GTF2IRD2B: variants seen among roughly 807,000 people sequenced by gnomAD.
GTF2IRD2B encodes general transcription factor II-I repeat domain-containing protein 2B.
A neutral mutation model predicts 55.6 loss-of-function variants in GTF2IRD2B; 10 were observed. The observed-to-expected ratio is 0.18, with a 90% CI of 0.11 to 0.31. The LOEUF (loss-of-function observed/expected upper bound fraction) is 0.31, where lower values mean the gene tolerates loss of function less well. Among genes scored for constraint, GTF2IRD2B ranks in the 10% least tolerant of loss-of-function variants. The probability of loss-of-function intolerance (pLI) is 1.00; values close to 1 mark genes in which losing one functional copy is unlikely to be tolerated. For synonymous variants in GTF2IRD2B, 107 were observed against 320.5 expected (o/e 0.33, Z 7.12); for missense variants, 206 against 802.7 (o/e 0.26, Z 8.98).
chr7:75,101,830 G>A (rs1450466866), intron 1 of GTF2IRD2B, among the ~76,000 whole-genome samples: 26 of 128,252 alleles, frequency 2.0e-4, no homozygotes, highest in Non-Finnish European at 3.8e-4. Flanking sequence ...GAAGGCAGAG[G>A]TTGCAGTGAA....
intron 1 of GTF2IRD2B, among the ~76,000 whole-genome samples, chr7:75,103,163 C>T (rs1472392755): frequency 3.9e-5 from 6 of 151,984 alleles, no homozygotes; most frequent in African/African-American, 7.2e-5. Flanking sequence ...CCTATAATCC[C>T]GGCTACTCGG....
intron 3 of GTF2IRD2B, among the ~76,000 whole-genome samples, chr7:75,115,463 G>T (rs1554537407): frequency 1.4e-5 from 2 of 143,024 alleles, no homozygotes; most frequent in South Asian, 2.2e-4. Context: ...TCGCTCTATC[G>T]CCCAGGCTGG....
At chr7:75,119,900 A>G (rs372341277) in intron 3 of GTF2IRD2B, among the ~76,000 whole-genome samples, 104,334 of 112,998 alleles carry the variant, frequency 0.92, 49,190 homozygotes, top group East Asian at 0.97. Context: ...AGGCCGAGGC[A>G]GGCGGATCAC....
chr7:75,115,382 T>C (rs1240809716), intron 3 of GTF2IRD2B, among the ~76,000 whole-genome samples: 65 of 144,540 alleles, frequency 4.5e-4, no homozygotes, highest in African/African-American at 9.9e-4. Flanking sequence ...TTCAAGATTA[T>C]TTCTGTTATT....
chr7:75,099,736 C>CT (rs1807473644), intron 1 of GTF2IRD2B, among the ~76,000 whole-genome samples: 1 of 73,142 alleles, frequency 1.4e-5, no homozygotes, highest in East Asian at 4.7e-4. Context: ...GACTCCGTCT[C>CT]AAAATAAATA....
intron 10 of GTF2IRD2B, among the ~76,000 whole-genome samples, chr7:75,136,176 A>C (rs1808829604): frequency 8.0e-6 from 1 of 125,666 alleles, no homozygotes; most frequent in East Asian, 2.1e-4. Flanking sequence ...AATAATAAAG[A>C]TTTCCTTTCC....
chr7:75,105,332 C>G (rs1316257056), intron 1 of GTF2IRD2B, among the ~76,000 whole-genome samples: 1 of 152,216 alleles, frequency 6.6e-6, no homozygotes. Context: ...GGTGTAACCC[C>G]GTCTCCACCA....
At chr7:75,117,536 C>A (rs1172563678) in intron 3 of GTF2IRD2B, among the ~76,000 whole-genome samples, 2 of 152,296 alleles carry the variant, frequency 1.3e-5, no homozygotes, top group African/African-American at 4.8e-5. Flanking sequence ...CACACAGCTT[C>A]CCAGTCACTT....
At position 75,118,881 on chromosome 7, in the gene GTF2IRD2B, G is replaced by T. The variant is rs587645581; in HGVS notation, c.239-2010G>T. Reference sequence around the variant, plus strand: ...AAGAAAATGTGGTACGTACACTATGGGATACTATTCAGCCATAAAAAAGAA... The same window carrying T: ...AAGAAAATGTGGTACGTACACTATGTGATACTATTCAGCCATAAAAAAGAA... On this transcript the variant is annotated intron_variant, in intron 3 of 15. Coordinates refer to ENST00000472837, the MANE Select transcript of GTF2IRD2B (RefSeq NM_001003795.3). Among the ~76,000 whole-genome samples, 206 of 145,762 alleles carry T rather than the reference G, an allele frequency of 1.4e-3. 5 individuals are homozygous for T. The highest frequency in any genetic ancestry group is 4.9e-3 in the African/African-American group (191 of 38,632).
intron 8 of GTF2IRD2B, among the ~76,000 whole-genome samples, chr7:75,127,013 A>G (rs1554535762): frequency 3.4e-5 from 3 of 87,334 alleles, no homozygotes; most frequent in African/African-American, 8.6e-5. Context: ...AAACAAAAAC[A>G]AAAACAAAAA....
In GTF2IRD2B at chr7:75,123,527, G is replaced by A. The variant is rs1808452526; in HGVS notation, c.571+11G>A. 1.5e-6 allele frequency: 1 copy of A among 671,782 alleles called. No individual in the cohort carries two copies. The highest frequency in any genetic ancestry group is 2.0e-5 in the African/African-American group (1 of 49,082). The allele number at this position is 671,782 out of a possible 1,614,324, so 41.6% of individuals were successfully genotyped here. On this transcript the variant is annotated intron_variant, in intron 6 of 15. Coordinates refer to ENST00000472837, the MANE Select transcript of GTF2IRD2B (RefSeq NM_001003795.3). ...CAGAGAGTCAGCTGGGTAAGTGACA[G>A]CTTCTCAGGTTTGGTGGCTCTTCTG...
intron 3 of GTF2IRD2B, among the ~76,000 whole-genome samples, chr7:75,113,781 G>GGGGTGTGTGTGTGT (rs1554537652): frequency 1.2e-5 from 1 of 80,022 alleles, no homozygotes; most frequent in Non-Finnish European, 2.5e-5. Flanking sequence ...AGGGTATAAG[G>GGGGTGTGTGTGTGT]GTGTGTGTGT....
In GTF2IRD2B at chr7:75,114,202, A is replaced by T. The variant is rs142553584; in HGVS notation, c.238+1667A>T. Among the ~76,000 whole-genome samples the T allele has an allele frequency of 9.7e-3, 1,470 of 151,400 alleles. 58 individuals are homozygous for T. The highest frequency in any genetic ancestry group is 0.087 in the East Asian group (449 of 5,160). Reference sequence around the variant, plus strand: ...AAGGTCTCCACTATCAAGAAGACAGATTAAAAAATGAAGCCATCTTTAAAT... The same window carrying T: ...AAGGTCTCCACTATCAAGAAGACAGTTTAAAAAATGAAGCCATCTTTAAAT... On this transcript the variant is annotated intron_variant, in intron 3 of 15. Transcript: ENST00000472837.
At chr7:75,136,204 A>G (rs1584546546) in intron 10 of GTF2IRD2B, among the ~76,000 whole-genome samples, 1 of 134,138 alleles carries the variant, frequency 7.5e-6, no homozygotes, top group South Asian at 2.3e-4. Context: ...GAGGCGTGGG[A>G]CATCTTTGCC....
chr7:75,113,901 G>C (rs1554451012), intron 3 of GTF2IRD2B, among the ~76,000 whole-genome samples: 1 of 148,672 alleles, frequency 6.7e-6, no homozygotes, highest in African/African-American at 2.5e-5. Flanking sequence ...TGTATAAGTA[G>C]ATTAGATAGG....
chr7:75,115,436 T>A (rs1445374438), intron 3 of GTF2IRD2B, among the ~76,000 whole-genome samples: 4 of 150,568 alleles, frequency 2.7e-5, no homozygotes, highest in African/African-American at 4.9e-5. Context: ...TTATTTTTTT[T>A]TTTTTGAGAC....
At chr7:75,096,758 T>A (rs2115655977) in intron 1 of GTF2IRD2B, among the ~76,000 whole-genome samples, 1 of 150,928 alleles carries the variant, frequency 6.6e-6, no homozygotes, top group East Asian at 1.9e-4. Context: ...CAGGTGATCA[T>A]TACATTTTTG....
At chr7:75,121,792 G>A (rs1554451988) in intron 4 of GTF2IRD2B, among the ~76,000 whole-genome samples, 1 of 132,008 alleles carries the variant, frequency 7.6e-6, no homozygotes, top group African/African-American at 2.9e-5. Context: ...GCAGAGTCTC[G>A]CTCTGTTGCC....
At chr7:75,120,179 G>T (rs1584536282) in intron 3 of GTF2IRD2B, among the ~76,000 whole-genome samples, 1 of 28,768 alleles carries the variant, frequency 3.5e-5, no homozygotes, top group African/African-American at 1.1e-4. Flanking sequence ...CCCTTACATT[G>T]ATACAAAAAA....
Sources: allele counts gnomAD v4.1 joint callset (sites outside exome capture counted in the v4.1 genomes callset), GRCh38; gene constraint gnomAD v4.1.1; transcripts MANE v1.5; gene names NCBI Gene and HGNC (gene_info 2026-07-23, HGNC 2026-07-21).